The following MMD2 variants were observed in gnomAD, a reference collection of about 807,000 sequenced individuals.
MMD2 encodes the protein monocyte to macrophage differentiation factor 2.
MMD2 carries 30 observed loss-of-function variants against 33.5 expected under a neutral mutation model. The observed-to-expected ratio is 0.90, with a 90% CI of 0.67 to 1.22. MMD2 has a LOEUF of 1.22. Among genes scored for constraint, MMD2 ranks in the 50% most tolerant of loss-of-function variants. The pLI is 0.00. For missense variants in MMD2, 364 were observed against 325.4 expected (o/e 1.12, Z -0.91); for synonymous variants, 129 against 123.0 (o/e 1.05, Z -0.32).
At position 4,946,134 on chromosome 7, in the gene MMD2, C is replaced by T. The variant is rs1485535780; in HGVS notation, c.47+12837G>A. 1.3e-5 allele frequency among the ~76,000 whole-genome samples: 2 copies of T among 151,736 alleles called. No individual in the cohort carries two copies. The highest frequency in any genetic ancestry group is 4.8e-5 in the African/African-American group (2 of 41,328). On this transcript the variant is annotated intron_variant, in intron 1 of 6. Coordinates refer to ENST00000401401, the MANE Select transcript of MMD2 (RefSeq NM_198403.4). The surrounding 1 kb of genome is among the most constrained non-coding windows in gnomAD (Gnocchi z 5.0). ...GCGCACACGCACGCACACACCTGCA[C>T]ACGCACGCACACCCACACCCGCGCG...
In MMD2 at chr7:4,940,191, C is replaced by G. The variant is rs1025401001; in HGVS notation, c.48-14659G>C. Among the ~76,000 whole-genome samples, 4 of 152,160 alleles carry G rather than the reference C, an allele frequency of 2.6e-5. No individual in the cohort carries two copies. Among genetic ancestry groups the G allele is most frequent in the African/African-American group, 4.8e-5 (2 of 41,456 alleles). On this transcript the variant is annotated intron_variant, in intron 1 of 6. Transcript: ENST00000401401. The surrounding 1 kb of genome is among the most constrained non-coding windows in gnomAD (Gnocchi z 5.0). ...GGCCTGGCATGTTGAGCATCCTGAC[C>G]TGGGTGCAGGGTCCGGCACACCCCA...
At chr7:4,943,414 A>G (rs1383872533) in intron 1 of MMD2, among the ~76,000 whole-genome samples, 3 of 151,936 alleles carry the variant, frequency 2.0e-5, no homozygotes, top group African/African-American at 7.3e-5. Flanking sequence ...AAGTGCTGAG[A>G]TTACAGGCGT....
At chr7:4,898,200 T>C in the MMD2 span, among the ~76,000 whole-genome samples, 1 of 152,196 alleles carries the variant, frequency 6.6e-6, no homozygotes, top group African/African-American at 2.4e-5. Context: ...GTATTCCTCC[T>C]AGTGGGGTCA....
chr7:4,923,949 A>G (rs1386717109), intron 2 of MMD2, among the ~76,000 whole-genome samples: 2 of 152,092 alleles, frequency 1.3e-5, no homozygotes, highest in African/African-American at 2.4e-5. Context: ...TCCCAGCCCT[A>G]TGGGAGGCCA....
the MMD2 span, among the ~76,000 whole-genome samples, chr7:4,899,040 G>C: frequency 6.6e-6 from 1 of 152,038 alleles, no homozygotes; most frequent in African/African-American, 2.4e-5. Context: ...AGGTCAGGGA[G>C]GCTGCATCTT....
intron 3 of MMD2, among the ~76,000 whole-genome samples, chr7:4,918,427 G>A (rs1785193293): frequency 6.6e-6 from 1 of 151,692 alleles, no homozygotes; most frequent in South Asian, 2.1e-4. Flanking sequence ...AGTTGAATGT[G>A]GCTGCTATGC....
At chr7:4,937,322 G>A (rs979980316) in intron 1 of MMD2, among the ~76,000 whole-genome samples, 3 of 151,506 alleles carry the variant, frequency 2.0e-5, no homozygotes, top group Non-Finnish European at 4.4e-5. Flanking sequence ...ACTTGAATCC[G>A]GGAGGTGGAG....
intron 1 of MMD2, among the ~76,000 whole-genome samples, chr7:4,933,268 A>G (rs1785642591): frequency 1.3e-5 from 2 of 152,064 alleles, no homozygotes; most frequent in Admixed American, 6.6e-5. Context: ...AGGCCGAGGC[A>G]AGAGGATCAC....
chr7:4,917,473 C>T (rs1366175726), intron 3 of MMD2, among the ~76,000 whole-genome samples: 2 of 152,066 alleles, frequency 1.3e-5, no homozygotes, highest in African/African-American at 4.8e-5. Flanking sequence ...ACCAGCCTGG[C>T]TAACATGGTG....
chr7:4,916,543 C>T (rs1332576421), intron 3 of MMD2, among the ~76,000 whole-genome samples: 2 of 152,062 alleles, frequency 1.3e-5, no homozygotes, highest in African/African-American at 4.8e-5. Flanking sequence ...CCACCATGCC[C>T]AGCTAGTTTT....
intron 1 of MMD2, among the ~76,000 whole-genome samples, chr7:4,947,692 C>CTT (rs71033002): frequency 1.8e-3 from 63 of 35,880 alleles, no homozygotes; most frequent in Admixed American, 3.3e-3. Context: ...TGCACCTGGC[C>CTT]TTTTTTTTTT....
chr7:4,944,493 A>T (rs542875024), intron 1 of MMD2, among the ~76,000 whole-genome samples: 1 of 152,112 alleles, frequency 6.6e-6, no homozygotes, highest in East Asian at 1.9e-4. Flanking sequence ...GGAGTGGCCG[A>T]TGCTCTCCGT....
At chr7:4,923,524 C>T (rs1234126837) in intron 2 of MMD2, among the ~76,000 whole-genome samples, 3 of 152,142 alleles carry the variant, frequency 2.0e-5, no homozygotes, top group Non-Finnish European at 4.4e-5. Flanking sequence ...GTGGCTCTTA[C>T]GATGTCCATT....
At chr7:4,920,062 G>A in intron 3 of MMD2, 109 bp downstream of exon 3, 1 of 1,287,650 alleles carries the variant, frequency 7.8e-7, no homozygotes, top group Non-Finnish European at 1.1e-6. Flanking sequence ...CCAGCTCAGT[G>A]GAGAATGTCA....
intron 1 of MMD2, among the ~76,000 whole-genome samples, chr7:4,939,111 A>G (rs1239123867): frequency 6.6e-6 from 1 of 152,174 alleles, no homozygotes; most frequent in Non-Finnish European, 1.5e-5. Flanking sequence ...CTGAGGCAGG[A>G]GAATCACTTG....
intron 1 of MMD2, among the ~76,000 whole-genome samples, chr7:4,955,874 G>A (rs1010168457): frequency 1.3e-5 from 2 of 152,112 alleles, no homozygotes; most frequent in African/African-American, 4.8e-5. Context: ...CCAATATGGT[G>A]AAACCCTACC....
chr7:4,952,654 AC>A (rs1326622066), intron 1 of MMD2, among the ~76,000 whole-genome samples: 1 of 148,978 alleles, frequency 6.7e-6, no homozygotes, highest in Non-Finnish European at 1.5e-5. Flanking sequence ...TGTGAACTGC[AC>A]ATGTGGGGAT....
At chr7:4,896,568 T>C in the MMD2 span, among the ~76,000 whole-genome samples, 1 of 152,220 alleles carries the variant, frequency 6.6e-6, no homozygotes, top group African/African-American at 2.4e-5. Context: ...AACAGATGTG[T>C]GCATGAACAT....
chr7:4,919,117 A>C (rs1785211959), intron 3 of MMD2, among the ~76,000 whole-genome samples: 1 of 151,438 alleles, frequency 6.6e-6, no homozygotes, highest in Admixed American at 6.6e-5. Context: ...ATAAAAATCA[A>C]AACTGTAATA....
Sources: gnomAD v4.1 joint callset for allele counts (sites outside exome capture counted in the v4.1 genomes callset) on GRCh38, gnomAD v4.1.1 for gene constraint, Gnocchi (gnomAD v3.1) non-coding constraint, MANE v1.5 for transcripts, NCBI Gene and HGNC (gene_info 2026-07-23, HGNC 2026-07-21) for gene names.